The following ANKS1B variants were observed in gnomAD, a reference collection of about 807,000 sequenced individuals.
ANKS1B encodes ankyrin repeat and sterile alpha motif domain containing 1B, also known as ankyrin repeat and sterile alpha motif domain-containing protein 1B.
ANKS1B carries 36 observed loss-of-function variants against 148.3 expected under a neutral mutation model. The ratio of observed to expected loss-of-function variants is 0.24; its 90% CI spans 0.19 to 0.32. ANKS1B has a LOEUF of 0.32. Among genes scored for constraint, ANKS1B ranks in the 10% least tolerant of loss-of-function variants. The pLI is 1.00. For missense variants in ANKS1B, 1,157 were observed against 1,542.6 expected (o/e 0.75, Z 4.19); for synonymous variants, 542 against 560.8 (o/e 0.97, Z 0.47).
At chr12:99,884,611 T>C (rs1344675187) in intron 1 of ANKS1B, among the ~76,000 whole-genome samples, 1 of 152,140 alleles carries the variant, frequency 6.6e-6, no homozygotes, top group East Asian at 1.9e-4. Flanking sequence ...GAATCACAAA[T>C]GCACTATGTA....
At chr12:99,828,320 G>A (rs1208750463) in intron 1 of ANKS1B, among the ~76,000 whole-genome samples, 1 of 152,020 alleles carries the variant, frequency 6.6e-6, no homozygotes, top group Non-Finnish European at 1.5e-5. Flanking sequence ...TCAACTTAAC[G>A]CAGTGATAGG....
intron 14 of ANKS1B, among the ~76,000 whole-genome samples, chr12:99,179,196 A>C (rs2078799036): frequency 6.6e-6 from 1 of 152,118 alleles, no homozygotes; most frequent in Admixed American, 6.6e-5. Context: ...TGGGAGGCTG[A>C]GGTGGGCGGA....
chr12:99,843,893 T>C (rs2086180074), intron 1 of ANKS1B, among the ~76,000 whole-genome samples: 1 of 152,130 alleles, frequency 6.6e-6, no homozygotes, highest in Non-Finnish European at 1.5e-5. Context: ...GCATTCCTTT[T>C]TCTCCACAAC....
chr12:99,107,305 C>G (rs192683982), intron 15 of ANKS1B, among the ~76,000 whole-genome samples: 4 of 152,156 alleles, frequency 2.6e-5, no homozygotes, highest in African/African-American at 7.2e-5. Context: ...GGTTGCGGTG[C>G]CGTGTAGAAG....
At chr12:99,549,389 A>G (rs143055221) in intron 9 of ANKS1B, among the ~76,000 whole-genome samples, 5 of 152,362 alleles carry the variant, frequency 3.3e-5, no homozygotes, top group African/African-American at 1.2e-4. Flanking sequence ...AGTTAAGCAG[A>G]TGGTTTTTGA....
chr12:99,834,775 T>C (rs1367935258), intron 1 of ANKS1B, among the ~76,000 whole-genome samples: 1 of 152,106 alleles, frequency 6.6e-6, no homozygotes, highest in Non-Finnish European at 1.5e-5. Context: ...CTGTTTCAGT[T>C]TTTATTGATT....
intron 9 of ANKS1B, among the ~76,000 whole-genome samples, chr12:99,608,625 C>T (rs145793847): frequency 6.5e-4 from 99 of 152,046 alleles, no homozygotes; most frequent in African/African-American, 2.2e-3. Context: ...CCAAAGATAT[C>T]AGGGAGCTCA....
chr12:99,177,991 A>G (rs2078614308), intron 14 of ANKS1B, among the ~76,000 whole-genome samples: 1 of 152,234 alleles, frequency 6.6e-6, no homozygotes, highest in Admixed American at 6.5e-5. Context: ...CAACACCAAC[A>G]GATCCATTCC....
intron 11 of ANKS1B, among the ~76,000 whole-genome samples, chr12:99,428,687 A>T (rs2095308612): frequency 6.6e-6 from 1 of 152,162 alleles, no homozygotes; most frequent in Non-Finnish European, 1.5e-5. Flanking sequence ...TTATATACAA[A>T]TATTCTCTAG....
At position 99,912,751 on chromosome 12, in the gene ANKS1B, T is replaced by C. The variant is rs557849021; in HGVS notation, c.134+71353A>G. On this transcript the variant is annotated intron_variant, in intron 1 of 26. Transcript: ENST00000683438. The stretch of plus-strand genomic sequence containing the variant: ...TATTATTTCTATTTGAATACATTAT[T>C]TATATATATAATCTATTATATCTAT... Among the ~76,000 whole-genome samples the C allele has an allele frequency of 6.6e-5, 10 of 152,226 alleles. 1 individual carries two copies. In the East Asian group the frequency reaches 1.7e-3, roughly 26 times the overall value.
chr12:99,160,273 G>A (rs1369943721), intron 14 of ANKS1B, among the ~76,000 whole-genome samples: 1 of 151,558 alleles, frequency 6.6e-6, no homozygotes, highest in African/African-American at 2.4e-5. Flanking sequence ...AATTGCTTTT[G>A]AGGATTTAGT....
chr12:99,439,255 T>C (rs1185707770), intron 11 of ANKS1B, among the ~76,000 whole-genome samples: 1 of 151,696 alleles, frequency 6.6e-6, no homozygotes, highest in Non-Finnish European at 1.5e-5. Flanking sequence ...ATTTACAACC[T>C]GGGACAAGTC....
intron 9 of ANKS1B, among the ~76,000 whole-genome samples, chr12:99,596,914 C>G (rs1178167804): frequency 1.3e-5 from 2 of 151,578 alleles, no homozygotes; most frequent in African/African-American, 2.4e-5. Context: ...TACTGATGAG[C>G]AAAAAATGAA....
chr12:98,861,704 T>C (rs118152512), intron 17 of ANKS1B, among the ~76,000 whole-genome samples: 141 of 152,360 alleles, frequency 9.3e-4, no homozygotes, highest in Non-Finnish European at 1.6e-3. Flanking sequence ...AGTCTGAAGA[T>C]ATTCATAACA....
chr12:99,050,012 C>A (rs533969921), intron 17 of ANKS1B, among the ~76,000 whole-genome samples: 14 of 152,182 alleles, frequency 9.2e-5, no homozygotes, highest in Non-Finnish European at 8.8e-5. Flanking sequence ...AAACTAGCGA[C>A]TCATTACAAT....
chr12:99,881,987 A>T (rs1256976345), intron 1 of ANKS1B, among the ~76,000 whole-genome samples: 1 of 152,244 alleles, frequency 6.6e-6, no homozygotes, highest in Non-Finnish European at 1.5e-5. Flanking sequence ...GATGATACAT[A>T]TGTTAGAATT....
intron 15 of ANKS1B, among the ~76,000 whole-genome samples, chr12:99,104,151 T>C (rs1031867447): frequency 6.6e-6 from 1 of 151,934 alleles, no homozygotes; most frequent in Non-Finnish European, 1.5e-5. Flanking sequence ...AAGAATGAGA[T>C]TGAGGGTAGG....
chr12:99,497,517 T>C (rs1408032641), intron 10 of ANKS1B, among the ~76,000 whole-genome samples: 1 of 152,138 alleles, frequency 6.6e-6, no homozygotes, highest in Non-Finnish European at 1.5e-5. Flanking sequence ...GTCCCAGGCC[T>C]CCTTGGTTTG....
chr12:98,847,597 A>AGT (rs1555403775), intron 17 of ANKS1B, among the ~76,000 whole-genome samples: 2 of 151,784 alleles, frequency 1.3e-5, no homozygotes, highest in African/African-American at 4.8e-5. Flanking sequence ...CAAGATCTTA[A>AGT]TTTTTTTTCT....
Sources: allele counts gnomAD v4.1 joint callset (sites outside exome capture counted in the v4.1 genomes callset), GRCh38; gene constraint gnomAD v4.1.1; transcripts MANE v1.5; gene names NCBI Gene and HGNC (gene_info 2026-07-23, HGNC 2026-07-21).